The following BANF2 variants were observed in gnomAD, a reference collection of about 807,000 sequenced individuals.
BANF2 encodes the protein barrier-to-autointegration factor-like protein.
A neutral mutation model predicts 8.0 loss-of-function variants in BANF2; 4 were observed. That is an observed-to-expected ratio of 0.50 (90% CI 0.25 to 1.14). The LOEUF is 1.14. BANF2 is among the 50% of genes most tolerant of loss of function. The pLI is 0.16. For missense variants in BANF2, 96 were observed against 107.5 expected, an observed-to-expected ratio of 0.89 and a Z score of 0.47; for synonymous variants, 50 against 40.6, an observed-to-expected ratio of 1.23 and a Z score of -0.88.
At chr20:17,722,977 C>T in intron 2 of BANF2, 99 bp downstream of exon 2, 1 of 807,752 alleles carries the variant, frequency 1.2e-6, no homozygotes, top group East Asian at 1.3e-4. Flanking sequence ...ACCATGTCCT[C>T]AGCAGAGGGG....
intron 1 of BANF2, among the ~76,000 whole-genome samples, chr20:17,717,141 A>T (rs1257007207): frequency 6.6e-6 from 1 of 152,124 alleles, no homozygotes; most frequent in Non-Finnish European, 1.5e-5. Flanking sequence ...ATTCCCTCAG[A>T]TTCTGAGGGG....
At chr20:17,698,317 G>C (rs138899525), upstream of BANF2, among the ~76,000 whole-genome samples, 3 of 152,180 alleles carry the variant, frequency 2.0e-5, no homozygotes, top group African/African-American at 7.2e-5. Flanking sequence ...AGACATAATT[G>C]TCAGCTCCTT....
intron 1 of BANF2, among the ~76,000 whole-genome samples, chr20:17,722,453 G>T (rs937701925): frequency 1.3e-5 from 2 of 152,158 alleles, no homozygotes; most frequent in Non-Finnish European, 2.9e-5. Context: ...AGAAATTCTG[G>T]ATTCTCACCC....
At chr20:17,718,613 G>A (rs1016791931) in intron 1 of BANF2, among the ~76,000 whole-genome samples, 1 of 152,180 alleles carries the variant, frequency 6.6e-6, no homozygotes, top group Non-Finnish European at 1.5e-5. Context: ...TGGCATTGGA[G>A]CAGTTCCCCA....
intron 3 of BANF2, 38 bp from the exon 4 acceptor site, chr20:17,735,627 C>T: frequency 6.2e-7 from 1 of 1,601,986 alleles, no homozygotes; most frequent in Non-Finnish European, 8.5e-7. Context: ...CTTATGATAA[C>T]CTTTCCTGCT....
At position 17,723,177 on chromosome 20, in the gene BANF2, C is replaced by T. The variant is rs137955668; in HGVS notation, c.-4+299C>T. ...GGTCCCCCCAGCCCCACCCCTGCAGCCCATGGGCTTTGAGGGACACTGACT... is the reference window on the plus strand; with the variant it reads ...GGTCCCCCCAGCCCCACCCCTGCAGTCCATGGGCTTTGAGGGACACTGACT... On this transcript the variant is annotated intron_variant, in intron 2 of 3. Transcript: ENST00000246090. Among the ~76,000 whole-genome samples, 470 of 152,300 alleles carry T rather than the reference C, an allele frequency of 3.1e-3. 3 individuals carry two copies. Among genetic ancestry groups the T allele is most frequent in the African/African-American group, 0.011 (453 of 41,566 alleles).
intron 1 of BANF2, among the ~76,000 whole-genome samples, chr20:17,703,200 A>G (rs2037434860): frequency 6.6e-6 from 1 of 152,120 alleles, no homozygotes; most frequent in Non-Finnish European, 1.5e-5. Context: ...GATCTTCCCT[A>G]TTCTACCTAA....
In BANF2 at chr20:17,735,818, A is replaced by T; in HGVS notation, c.*7A>T. 1 of 1,608,032 alleles carries T rather than the reference A, an allele frequency of 6.2e-7. No homozygotes were observed. The highest frequency in any genetic ancestry group is 1.1e-5 in the South Asian group (1 of 90,660). On this transcript the variant is annotated 3_prime_UTR_variant, in exon 4 of 4. Coordinates refer to ENST00000246090, the MANE Select transcript of BANF2 (RefSeq NM_178477.5). ...GTGTGCCTGCTTCCTGTAGACACAA[A>T]CCTCATTGCTGCCCCCCACCACCCT...
chr20:17,695,134 A>T (rs552873360), upstream of BANF2, among the ~76,000 whole-genome samples: 475 of 152,194 alleles, frequency 3.1e-3, 2 homozygotes, highest in Non-Finnish European at 5.1e-3. Context: ...TGAAATTTTT[A>T]AAAAATGAAC....
chr20:17,703,746 T>A (rs1355453264), intron 1 of BANF2, among the ~76,000 whole-genome samples: 1 of 149,430 alleles, frequency 6.7e-6, no homozygotes, highest in Non-Finnish European at 1.5e-5. Flanking sequence ...CTGACTTTTT[T>A]TTTTTTTTTT....
chr20:17,733,735 C>G (rs1391974969), intron 3 of BANF2, among the ~76,000 whole-genome samples: 2 of 152,122 alleles, frequency 1.3e-5, no homozygotes, highest in Non-Finnish European at 2.9e-5. Context: ...ATTAAAGTAG[C>G]AGTTCAGAAT....
intron 1 of BANF2, among the ~76,000 whole-genome samples, chr20:17,707,799 C>T (rs1329243795): frequency 2.0e-5 from 3 of 151,784 alleles, no homozygotes; most frequent in African/African-American, 7.2e-5. Context: ...AGGCTGGTCT[C>T]GAACTTCTGA....
intron 3 of BANF2, among the ~76,000 whole-genome samples, chr20:17,727,067 CTG>C (rs1050529143): frequency 9.9e-5 from 15 of 152,150 alleles, no homozygotes; most frequent in Admixed American, 2.6e-4. Flanking sequence ...AATAGCTTAA[CTG>C]TGTTTTAAAT....
At chr20:17,711,607 T>C (rs1568810624) in intron 1 of BANF2, among the ~76,000 whole-genome samples, 1 of 152,118 alleles carries the variant, frequency 6.6e-6, no homozygotes, top group Non-Finnish European at 1.5e-5. Context: ...GGAGCCGGAA[T>C]GGTACCAGGG....
At chr20:17,719,687 TAA>T (rs34906896) in intron 1 of BANF2, among the ~76,000 whole-genome samples, 15,434 of 141,726 alleles carry the variant, frequency 0.11, 1,030 homozygotes, top group African/African-American at 0.2. Flanking sequence ...TTTTTTTAAT[TAA>T]AAAAAAAAAA....
chr20:17,722,062 G>A (rs901090460), intron 1 of BANF2, among the ~76,000 whole-genome samples: 3 of 152,182 alleles, frequency 2.0e-5, no homozygotes, highest in African/African-American at 4.8e-5. Flanking sequence ...TGGGGAGGGG[G>A]TCCAATGGCC....
rs138319014 is a variant in BANF2, at chr20:17,701,275, G to C, written c.-167+1220G>C. Among the ~76,000 whole-genome samples the C allele has an allele frequency of 9.2e-5, 14 of 152,282 alleles. No individual in the cohort carries two copies. In the East Asian group the frequency reaches 2.3e-3, roughly 25 times the overall value. ...CCTGCAGCAGGTTTAATTTGGAGAGGAGAAAGGGAGCAAACGCTGAACCTC... is the reference window on the plus strand; with the variant it reads ...CCTGCAGCAGGTTTAATTTGGAGAGCAGAAAGGGAGCAAACGCTGAACCTC... On this transcript the variant is annotated intron_variant, in intron 1 of 3. Coordinates refer to ENST00000246090, the MANE Select transcript of BANF2 (RefSeq NM_178477.5).
intron 1 of BANF2, among the ~76,000 whole-genome samples, chr20:17,710,122 A>G (rs1396310484): frequency 6.6e-6 from 1 of 152,176 alleles, no homozygotes; most frequent in Non-Finnish European, 1.5e-5. Context: ...GGGGCTGGGT[A>G]CTTACCCACC....
chr20:17,707,800 G>T (rs180780366), intron 1 of BANF2, among the ~76,000 whole-genome samples: 1 of 151,712 alleles, frequency 6.6e-6, no homozygotes, highest in African/African-American at 2.4e-5. Context: ...GGCTGGTCTC[G>T]AACTTCTGAC....
Sources: allele counts gnomAD v4.1 joint callset (sites outside exome capture counted in the v4.1 genomes callset), GRCh38; gene constraint gnomAD v4.1.1; transcripts MANE v1.5; gene names NCBI Gene and HGNC (gene_info 2026-07-23, HGNC 2026-07-21).